Variants in TEX9 observed in about 807,000 individuals in gnomAD.
TEX9 encodes the protein testis expressed 9, also known as testis-expressed protein 9.
A neutral mutation model predicts 59.6 loss-of-function variants in TEX9; 74 were observed. That is an observed-to-expected ratio of 1.24 (90% CI 1.03 to 1.51). The LOEUF (loss-of-function observed/expected upper bound fraction) is 1.51, where lower values mean the gene tolerates loss of function less well. Ranked by LOEUF, TEX9 falls within the 40% of genes most tolerant of loss-of-function variation. The pLI is 0.00. For missense variants in TEX9, 522 were observed against 447.8 expected, an observed-to-expected ratio of 1.17 and a Z score of -1.49; for synonymous variants, 186 against 152.2, an observed-to-expected ratio of 1.22 and a Z score of -1.64.
chr15:56,447,154 T>A, downstream of TEX9: 1 of 428,502 alleles, frequency 2.3e-6, no homozygotes, highest in Non-Finnish European at 4.2e-6. Flanking sequence ...ACTGCTCTGT[T>A]CTATTACATT....
intron 1 of TEX9, among the ~76,000 whole-genome samples, chr15:56,300,742 A>AGAGAGAGAGAGG (rs1378888730): frequency 3.4e-5 from 5 of 145,046 alleles, no homozygotes; most frequent in Admixed American, 1.4e-4. Flanking sequence ...AGAGAGAGAG[A>AGAGAGAGAGAGG]GAGACTTCAT....
chr15:56,377,935 T>C (rs905996053), intron 3 of TEX9, among the ~76,000 whole-genome samples: 2 of 152,218 alleles, frequency 1.3e-5, no homozygotes, highest in African/African-American at 4.8e-5. Context: ...TGAAGGGATG[T>C]TGAACTTTAT....
At chr15:56,274,121 A>G (rs1297912736) in intron 1 of TEX9, among the ~76,000 whole-genome samples, 1 of 152,124 alleles carries the variant, frequency 6.6e-6, no homozygotes. Flanking sequence ...TACATAGGGT[A>G]GACCGTTTGA....
At chr15:56,456,639 T>C in the TEX9 span, 1 of 986,998 alleles carries the variant, frequency 1.0e-6, no homozygotes, top group Non-Finnish European at 1.5e-6. Flanking sequence ...GATGATGTTT[T>C]ATTTTAAAAT....
chr15:56,426,956 C>T (rs1406542745), intron 10 of TEX9, among the ~76,000 whole-genome samples: 1 of 151,968 alleles, frequency 6.6e-6, no homozygotes, highest in Non-Finnish European at 1.5e-5. Context: ...TTTCCTTTCA[C>T]AGGTACCTAG....
intron 3 of TEX9, among the ~76,000 whole-genome samples, chr15:56,379,117 A>G (rs1387772336): frequency 1.3e-5 from 2 of 151,894 alleles, no homozygotes; most frequent in Non-Finnish European, 2.9e-5. Context: ...AGAAAGAAAG[A>G]AAAAGAAAAG....
At chr15:56,383,871 T>A in intron 3 of TEX9, 81 bp from the exon 4 acceptor site, 2 of 956,944 alleles carry the variant, frequency 2.1e-6, no homozygotes, top group Non-Finnish European at 3.1e-6. Flanking sequence ...AAATGATGAA[T>A]GTTCAGAGAG....
chr15:56,361,420 G>T (rs2046786757), upstream of TEX9, among the ~76,000 whole-genome samples: 1 of 151,984 alleles, frequency 6.6e-6, no homozygotes, highest in Non-Finnish European at 1.5e-5. Context: ...AGTTCAAAAT[G>T]TTTTTTTAAT....
chr15:56,253,521 C>G lies in TEX9; in HGVS notation c.-107+9243C>G, dbSNP rs78073393. On this transcript the variant is annotated intron_variant, in intron 1 of 5. Coordinates refer to the TEX9 transcript ENST00000560827. ...GGTCCCTAAAGAAAGCCAAATGACA[C>G]TAGCTATTCAGGGACTCAAAACCCC... Among the ~76,000 whole-genome samples, 101 of 152,238 alleles carry G rather than the reference C, an allele frequency of 6.6e-4. 2 individuals carry two copies. In the East Asian group the frequency reaches 0.019, roughly 29 times the overall value.
intron 1 of TEX9, among the ~76,000 whole-genome samples, chr15:56,253,638 T>G (rs1162029289): frequency 6.6e-6 from 1 of 152,100 alleles, no homozygotes; most frequent in Non-Finnish European, 1.5e-5. Flanking sequence ...TAGCTCTTGA[T>G]GTACTCTGAA....
intron 1 of TEX9, among the ~76,000 whole-genome samples, chr15:56,255,936 TTAAC>T (rs1308653093): frequency 2.0e-5 from 3 of 151,990 alleles, no homozygotes; most frequent in Non-Finnish European, 4.4e-5. Flanking sequence ...ACATGAAACA[TTAAC>T]TAGCTGCTAA....
intron 12 of TEX9, among the ~76,000 whole-genome samples, chr15:56,431,078 C>CG (rs1245521572): frequency 1.3e-5 from 2 of 152,082 alleles, no homozygotes; most frequent in African/African-American, 2.4e-5. Context: ...GGAGAATCAC[C>CG]GGGAGGCAGA....
intron 1 of TEX9, among the ~76,000 whole-genome samples, chr15:56,300,423 C>A (rs2045317520): frequency 6.6e-6 from 1 of 152,198 alleles, no homozygotes; most frequent in East Asian, 1.9e-4. Flanking sequence ...TGGACCCACC[C>A]TGGGCTCAGG....
intron 1 of TEX9, among the ~76,000 whole-genome samples, chr15:56,353,075 C>A (rs534605699): frequency 6.6e-6 from 1 of 152,262 alleles, no homozygotes; most frequent in East Asian, 1.9e-4. Context: ...GCTCACAGCC[C>A]CTTTCTGCAC....
chr15:56,293,808 C>T (rs1406962011), intron 1 of TEX9, among the ~76,000 whole-genome samples: 1 of 152,250 alleles, frequency 6.6e-6, no homozygotes, highest in Non-Finnish European at 1.5e-5. Flanking sequence ...TAACACCATC[C>T]ATGACTTCAT....
intron 1 of TEX9, among the ~76,000 whole-genome samples, chr15:56,299,343 C>T (rs2045288293): frequency 6.6e-6 from 1 of 152,204 alleles, no homozygotes; most frequent in Admixed American, 6.5e-5. Context: ...TTAGACCTGC[C>T]CTAGCAAGAG....
intron 1 of TEX9, among the ~76,000 whole-genome samples, chr15:56,350,751 T>G (rs1458583961): frequency 1.3e-5 from 2 of 152,196 alleles, no homozygotes; most frequent in Non-Finnish European, 2.9e-5. Flanking sequence ...AAAAAGTCCC[T>G]GACTAAAGTG....
downstream of TEX9, chr15:56,447,012 G>A: frequency 1.9e-6 from 2 of 1,039,400 alleles, no homozygotes; most frequent in Middle Eastern, 2.4e-4. Context: ...ACAGAAAACT[G>A]AGTAACTGTA....
intron 1 of TEX9, among the ~76,000 whole-genome samples, chr15:56,328,275 CCTGGCAGGACT>C (rs1812758931): frequency 6.6e-6 from 1 of 152,106 alleles, no homozygotes; most frequent in African/African-American, 2.4e-5. Flanking sequence ...AGCACTTGTT[CCTGGCAGGACT>C]CATCACCTAC....
Sources: gnomAD v4.1 joint callset for allele counts (sites outside exome capture counted in the v4.1 genomes callset) on GRCh38, gnomAD v4.1.1 for gene constraint, MANE v1.5 for transcripts, NCBI Gene and HGNC (gene_info 2026-07-23, HGNC 2026-07-21) for gene names.